Variants in ZNF221 observed in about 807,000 individuals in gnomAD.
The protein encoded by ZNF221 is zinc finger protein 221.
Under a neutral mutation model 12.6 loss-of-function variants are expected in ZNF221, and 10 were observed. The ratio of observed to expected loss-of-function variants is 0.79; its 90% CI spans 0.49 to 1.34. The LOEUF is 1.34. ZNF221 is among the 40% of genes most tolerant of loss of function. ZNF221 has a pLI of 0.00. For missense variants in ZNF221, 661 were observed against 721.4 expected, an observed-to-expected ratio of 0.92 and a Z score of 0.96; for synonymous variants, 232 against 244.0, an observed-to-expected ratio of 0.95 and a Z score of 0.46.
intron 1 of ZNF221, among the ~76,000 whole-genome samples, chr19:43,961,571 CCAT>C (rs1341490334): frequency 2.0e-5 from 3 of 151,986 alleles, no homozygotes; most frequent in African/African-American, 7.3e-5. Flanking sequence ...TGGCTAGACA[CCAT>C]CATCTTTTCT....
At chr19:43,972,328 G>T (rs1353594537), downstream of ZNF221, among the ~76,000 whole-genome samples, 3 of 152,152 alleles carry the variant, frequency 2.0e-5, no homozygotes, top group South Asian at 4.2e-4. Context: ...CAAAAAGCTA[G>T]AAAGATCTCA....
chr19:43,953,624 C>T (rs1330211159), intron 1 of ZNF221, among the ~76,000 whole-genome samples: 4 of 152,112 alleles, frequency 2.6e-5, no homozygotes, highest in Non-Finnish European at 5.9e-5. Flanking sequence ...CTGAAACTAC[C>T]TAGGGGTTGC....
rs569616723 is a variant in ZNF221 at position 43,959,932 on chromosome 19, T to C, written c.-2-2793T>C. On this transcript the variant is annotated intron_variant, in intron 1 of 4. Transcript: ENST00000587682. ...CTAATGGGCAGAGGTTGGAAAAAGT[T>C]TGGAGGGCTCAGAAGAAGATAAGAA... 5.9e-5 allele frequency among the ~76,000 whole-genome samples: 9 copies of C among 152,170 alleles called. No homozygotes were observed. The South Asian group carries it at 1.9e-3, about 32-fold the overall frequency.
chr19:43,962,781 G>A lies in ZNF221; in HGVS notation c.55G>A (p.Val19Ile), dbSNP rs1974868814. 6.2e-7 allele frequency: 1 copy of A among 1,613,752 alleles called. No homozygotes were observed. Among genetic ancestry groups the A allele is most frequent in the Non-Finnish European group, 8.5e-7 (1 of 1,179,838 alleles). The change falls in exon 2 of 5, where the codon GTA becomes ATA. Residue 19 changes from valine to isoleucine, a missense_variant. Transcript: ENST00000587682. ...LHSGLCKFPEVEGKMTTFKEA... is the reference protein window; with the variant it reads ...LHSGLCKFPEIEGKMTTFKEA... Reference sequence around the variant, plus strand: ...TTCAGGACTCTGCAAATTCCCTGAAGTAGAAGGAAAAATGACCACATTCAA... The same window carrying A: ...TTCAGGACTCTGCAAATTCCCTGAAATAGAAGGAAAAATGACCACATTCAA...
chr19:43,978,676 G>T, the ZNF221 span: 4 of 152,042 alleles, frequency 2.6e-5, no homozygotes, highest in African/African-American at 9.7e-5. Flanking sequence ...TTCATATGTA[G>T]TACCTGAGCT....
At chr19:43,951,674 G>A (rs1974672685) in intron 1 of ZNF221, among the ~76,000 whole-genome samples, 1 of 152,036 alleles carries the variant, frequency 6.6e-6, no homozygotes, top group South Asian at 2.1e-4. Flanking sequence ...AATTGTCTTG[G>A]GAATTGAAAG....
the ZNF221 span, among the ~76,000 whole-genome samples, chr19:43,980,875 G>T: frequency 6.6e-6 from 1 of 152,264 alleles, no homozygotes; most frequent in East Asian, 1.9e-4. Context: ...ATGTGTCCCA[G>T]CTGCTATGTA....
At chr19:43,952,090 G>A (rs1400418808) in intron 1 of ZNF221, among the ~76,000 whole-genome samples, 2 of 151,530 alleles carry the variant, frequency 1.3e-5, no homozygotes, top group Admixed American at 6.6e-5. Context: ...AGCCAGGATG[G>A]TCTCGATCTC....
rs1974970986 is a variant in ZNF221, at chr19:43,966,717, GTCC to G, written c.1218_1220del (p.Ser407del). ...AAGAATGTGGGAAGACCTTCAGATG[GTCC>G]TCATGTCTTTTGAACCATCAGCAAG... On this transcript the variant is annotated inframe_deletion, in exon 5 of 5. Coordinates refer to ENST00000587682, the MANE Select transcript of ZNF221 (RefSeq NM_001297588.2). The G allele has an allele frequency of 6.2e-7, 1 of 1,614,210 alleles. No homozygotes were observed. The highest frequency in any genetic ancestry group is 2.2e-5 in the East Asian group (1 of 44,888).
chr19:43,975,284 A>G, the ZNF221 span, among the ~76,000 whole-genome samples: 3 of 152,166 alleles, frequency 2.0e-5, no homozygotes, highest in Non-Finnish European at 4.4e-5. Context: ...TAACAAAGAC[A>G]TGGACTCAGC....
chr19:43,980,764 C>G, the ZNF221 span, among the ~76,000 whole-genome samples: 1 of 152,158 alleles, frequency 6.6e-6, no homozygotes, highest in East Asian at 1.9e-4. Context: ...TAGTGGACCA[C>G]TGGGGCTATT....
At chr19:43,960,218 A>G (rs972595056) in intron 1 of ZNF221, 5 of 152,176 alleles carry the variant, frequency 3.3e-5, no homozygotes, top group African/African-American at 1.2e-4. Context: ...TAAGAGTGAT[A>G]ACTTAGGGTA....
intron 2 of ZNF221, 33 bp downstream of exon 2, chr19:43,962,840 T>C (rs1384466182): frequency 6.3e-7 from 1 of 1,590,380 alleles, no homozygotes; most frequent in South Asian, 1.1e-5. Flanking sequence ...GCTGTTAAAA[T>C]TCCATCTTAC....
downstream of ZNF221, among the ~76,000 whole-genome samples, chr19:43,971,268 G>A (rs1432932621): frequency 6.6e-6 from 1 of 151,942 alleles, no homozygotes; most frequent in Non-Finnish European, 1.5e-5. Context: ...CACTAAATAT[G>A]GAAAGAAAAA....
chr19:43,963,319 C>G (rs1479545147), intron 2 of ZNF221, among the ~76,000 whole-genome samples: 2 of 152,048 alleles, frequency 1.3e-5, no homozygotes, highest in Admixed American at 6.6e-5. Flanking sequence ...TATATATAAC[C>G]CCTTCCCCCC....
intron 1 of ZNF221, 41 bp from the exon 2 acceptor site, chr19:43,962,684 C>G: frequency 6.3e-7 from 1 of 1,578,788 alleles, no homozygotes. Flanking sequence ...TCCTAGTTAC[C>G]ATTTCCTGTC....
the ZNF221 span, among the ~76,000 whole-genome samples, chr19:43,974,597 CA>C: frequency 6.8e-6 from 1 of 147,514 alleles, no homozygotes; most frequent in African/African-American, 2.5e-5. Context: ...AGGCACTTCT[CA>C]AAAGAAGACG....
At chr19:43,971,328 A>C (rs1299133678), downstream of ZNF221, among the ~76,000 whole-genome samples, 1 of 152,210 alleles carries the variant, frequency 6.6e-6, no homozygotes, top group Non-Finnish European at 1.5e-5. Context: ...GACCAATGAC[A>C]CTATAAAGCA....
At chr19:43,975,494 C>T in the ZNF221 span, among the ~76,000 whole-genome samples, 4 of 152,090 alleles carry the variant, frequency 2.6e-5, no homozygotes, top group African/African-American at 9.7e-5. Context: ...ATGATGAGAA[C>T]ATATGGACAC....
Sources: allele counts gnomAD v4.1 joint callset (sites outside exome capture counted in the v4.1 genomes callset), GRCh38; gene constraint gnomAD v4.1.1; transcripts MANE v1.5; gene names NCBI Gene and HGNC (gene_info 2026-07-23, HGNC 2026-07-21).